Variants in RPS6KA6 observed in about 807,000 individuals in gnomAD.
RPS6KA6 encodes ribosomal protein S6 kinase A6.
A neutral mutation model predicts 65.4 loss-of-function variants in RPS6KA6; 27 were observed. The ratio of observed to expected loss-of-function variants is 0.41; its 90% CI spans 0.30 to 0.57. RPS6KA6 has a LOEUF of 0.57. Ranked by LOEUF, RPS6KA6 falls within the 20% of genes least tolerant of loss-of-function variation. RPS6KA6 has a pLI of 0.24. For synonymous variants in RPS6KA6, 190 were observed against 184.2 expected (o/e 1.03, Z -0.26); for missense variants, 486 against 555.6 (o/e 0.87, Z 1.26).
intron 8 of RPS6KA6, among the ~76,000 whole-genome samples, chrX:84,125,625 C>T (rs1404224100): frequency 9.0e-6 from 1 of 110,959 alleles, no homozygotes; most frequent in African/African-American, 3.3e-5. Flanking sequence ...GAGGCCGAGG[C>T]GGGCAGATCA....
Position 84,064,339 on chromosome X carries a change from C to T in RPS6KA6, c.2176G>A (p.Val726Ile). 1 of 1,208,507 alleles carries T rather than the reference C, an allele frequency of 8.3e-7. No individual in the cohort carries two copies. Among genetic ancestry groups the T allele is most frequent in the Non-Finnish European group, 1.1e-6 (1 of 893,883 alleles). Reference sequence around the variant, plus strand: ...CGCTGGGCTAAGCTTGAAGCAGCTACAGGCTCTAGGACTGGTTGAAAGGTC... The same window carrying T: ...CGCTGGGCTAAGCTTGAAGCAGCTATAGGCTCTAGGACTGGTTGAAAGGTC... ...HKTFQPVLEP[V>I]AASSLAQRRS... The change falls in exon 22 of 22, where the codon GTA (valine) becomes ATA (isoleucine). Residue 726 changes from valine (V) to isoleucine (I), a missense_variant. By Grantham distance (29) the Val-to-Ile change is conservative. Around this residue, in one of 3 missense-constraint regions of RPS6KA6, gnomAD observed 345 missense variants for 375.0 expected, o/e 0.92. Coordinates refer to ENST00000262752, the MANE Select transcript of RPS6KA6 (RefSeq NM_014496.5).
intron 8 of RPS6KA6, among the ~76,000 whole-genome samples, chrX:84,126,127 C>CAT (rs1354217378): frequency 1.8e-5 from 2 of 111,118 alleles, no homozygotes; most frequent in East Asian, 5.6e-4. Flanking sequence ...CATAAAGATA[C>CAT]ATACAGACTG....
chrX:84,178,372 A>G (rs2035799799), intron 1 of RPS6KA6, among the ~76,000 whole-genome samples: 1 of 111,975 alleles, frequency 8.9e-6, no homozygotes, highest in Admixed American at 9.5e-5. Flanking sequence ...TTCTAGCACC[A>G]TTAGGTTTCC....
chrX:84,135,449 C>A (rs1219764162), intron 6 of RPS6KA6, among the ~76,000 whole-genome samples: 2 of 111,177 alleles, frequency 1.8e-5, no homozygotes, highest in South Asian at 3.8e-4. Flanking sequence ...TAATGTAAAT[C>A]TTTCTGAAAT....
chrX:84,122,936 T>C (rs1222261137), intron 8 of RPS6KA6, among the ~76,000 whole-genome samples: 2 of 111,552 alleles, frequency 1.8e-5, no homozygotes, highest in Non-Finnish European at 3.8e-5. Flanking sequence ...AGTGACTCCT[T>C]CCTTCTGCTT....
chrX:84,154,814 C>A (rs901247016), intron 3 of RPS6KA6, among the ~76,000 whole-genome samples: 1 of 111,481 alleles, frequency 9.0e-6, no homozygotes, highest in Non-Finnish European at 1.9e-5. Flanking sequence ...TTTTTTGTGT[C>A]CTGAAAATGT....
intron 12 of RPS6KA6, among the ~76,000 whole-genome samples, chrX:84,108,080 T>C (rs2034395249): frequency 8.9e-6 from 1 of 112,171 alleles, no homozygotes; most frequent in Non-Finnish European, 1.9e-5. Flanking sequence ...GCATATTTCA[T>C]CTAAAATATT....
Position 84,061,592 on chromosome X carries a change from T to C in RPS6KA6, c.*2685A>G. On this transcript the variant is annotated 3_prime_UTR_variant, in exon 22 of 22. Coordinates refer to ENST00000262752, the MANE Select transcript of RPS6KA6 (RefSeq NM_014496.5). ...GAAAATTGTTTCCTGAGTTTATTCA[T>C]GGTAGTATGTGCTTAAGGACAACAG... is the stretch of plus-strand genomic sequence containing the variant. 1 of 111,580 alleles carries C rather than the reference T, an allele frequency of 9.0e-6. No individual in the cohort carries two copies. The highest frequency in any genetic ancestry group is 1.9e-5 in the Non-Finnish European group (1 of 53,019). The allele number at this position is 111,580 out of a possible 1,213,427, so 9.2% of individuals were successfully genotyped here.
At chrX:84,187,480 G>A (rs778658156) in intron 1 of RPS6KA6, 140 of 187,164 alleles carry the variant, frequency 7.5e-4, no homozygotes, top group African/African-American at 3.8e-3. Context: ...CGGAGAAAAA[G>A]GGACGCGCGG....
chrX:84,129,837 G>T (rs1460396398), intron 8 of RPS6KA6, among the ~76,000 whole-genome samples: 4 of 111,092 alleles, frequency 3.6e-5, no homozygotes, highest in Non-Finnish European at 1.9e-5. Flanking sequence ...GGTTACTAGT[G>T]GCTGGGAAGG....
In RPS6KA6 at chrX:84,059,722, A is replaced by G. The variant is rs1453163341; in HGVS notation, c.*4555T>C. 8.9e-6 allele frequency: 1 copy of G among 111,948 alleles called. No individual in the cohort carries two copies. The highest frequency in any genetic ancestry group is 1.9e-5 in the Non-Finnish European group (1 of 53,245). The allele number at this position is 111,948 out of a possible 1,213,427, so 9.2% of individuals were successfully genotyped here. A position where few individuals can be genotyped will look rare whatever the true frequency, so the allele number is the denominator to read the frequency against. ...ATAAATTATTAGTTCCCATAACTAG[A>G]CAGTTGGAATTACAGCAAAACAGTC... is the stretch of plus-strand genomic sequence containing the variant. On this transcript the variant is annotated 3_prime_UTR_variant, in exon 22 of 22. Coordinates refer to ENST00000262752, the MANE Select transcript of RPS6KA6 (RefSeq NM_014496.5).
chrX:84,142,630 A>G (rs1401936805), intron 6 of RPS6KA6, among the ~76,000 whole-genome samples: 6 of 111,499 alleles, frequency 5.4e-5, no homozygotes, highest in Non-Finnish European at 7.6e-5. Flanking sequence ...CAGAGCAAAC[A>G]TGAATTACCA....
At chrX:84,094,278 CT>C (rs1353555442) in intron 20 of RPS6KA6, among the ~76,000 whole-genome samples, 1 of 96,312 alleles carries the variant, frequency 1.0e-5, no homozygotes, top group Non-Finnish European at 2.0e-5. Flanking sequence ...GTCAGTAAAC[CT>C]TTTGGCAATG....
At chrX:84,124,750 GA>G (rs2147486876) in intron 8 of RPS6KA6, among the ~76,000 whole-genome samples, 1 of 111,686 alleles carries the variant, frequency 9.0e-6, no homozygotes, top group African/African-American at 3.2e-5. Context: ...TATTCAAAGG[GA>G]TAATATCAGA....
At chrX:84,117,354 C>T (rs766441462) in intron 10 of RPS6KA6, 30 bp downstream of exon 10, 5 of 983,256 alleles carry the variant, frequency 5.1e-6, no homozygotes, top group Admixed American at 3.4e-5. Context: ...GATTTTTTTC[C>T]CAAAAGAAAA....
intron 1 of RPS6KA6, among the ~76,000 whole-genome samples, chrX:84,168,103 G>T (rs1211148716): frequency 9.0e-6 from 1 of 110,927 alleles, no homozygotes; most frequent in East Asian, 2.8e-4. Flanking sequence ...TGTCACAGGT[G>T]ACCACTCTCC....
chrX:84,169,360 T>C (rs1411443021), intron 1 of RPS6KA6, among the ~76,000 whole-genome samples: 1 of 110,882 alleles, frequency 9.0e-6, no homozygotes, highest in African/African-American at 3.3e-5. Context: ...CATAGGTCAC[T>C]TCAAATTTAT....
At chrX:84,177,681 G>T (rs999365358) in intron 1 of RPS6KA6, among the ~76,000 whole-genome samples, 2 of 112,342 alleles carry the variant, frequency 1.8e-5, no homozygotes, top group African/African-American at 3.2e-5. Context: ...GAGGCACTGA[G>T]TATCATTAAC....
chrX:84,070,168 A>G (rs1292471592), intron 20 of RPS6KA6, among the ~76,000 whole-genome samples: 1 of 112,381 alleles, frequency 8.9e-6, no homozygotes, highest in Admixed American at 9.4e-5. Context: ...CCAAATGCCC[A>G]TCGATGACAG....
Sources: gnomAD v4.1 joint callset for allele counts (sites outside exome capture counted in the v4.1 genomes callset) on GRCh38, gnomAD v4.1.1 for gene constraint, gnomAD v4.1.1 regional missense constraint, MANE v1.5 for transcripts, NCBI Gene and HGNC (gene_info 2026-07-23, HGNC 2026-07-21) for gene names.